Variants in AFAP1 observed in about 807,000 individuals in gnomAD.
The protein encoded by AFAP1 is actin filament-associated protein 1.
Under a neutral mutation model 93.9 loss-of-function variants are expected in AFAP1, and 75 were observed. The observed-to-expected ratio is 0.80, with a 90% confidence interval of 0.66 to 0.97. The LOEUF (loss-of-function observed/expected upper bound fraction) is 0.97. Ranked by LOEUF, AFAP1 falls within the 50% of genes least tolerant of loss-of-function variation. The pLI is 0.00. For missense variants in AFAP1, 1,201 were observed against 1,050.8 expected (o/e 1.14, Z -1.98); for synonymous variants, 517 against 430.7 (o/e 1.20, Z -2.48).
intron 3 of AFAP1, 82 bp downstream of exon 3, chr4:7,868,540 G>A: frequency 8.3e-7 from 1 of 1,209,554 alleles, no homozygotes; most frequent in Non-Finnish European, 1.2e-6. Context: ...TCCACACCGG[G>A]CTTCCATCAC....
At chr4:7,774,091 G>C (rs878867563) in intron 15 of AFAP1, 2 of 152,424 alleles carry the variant, frequency 1.3e-5, no homozygotes, top group African/African-American at 4.8e-5. Context: ...GTAGGTAAGC[G>C]GTGCCACCCC....
rs1357695652 is a variant in AFAP1, at chr4:7,826,623, C to T, written c.727-7452G>A. ...ACAAAAGAGATCTTCAGATTTTCAC[C>T]ACGGGTCTTGGGTCCTGGGCCATGC... On this transcript the variant is annotated intron_variant, in intron 6 of 17. Transcript: ENST00000420658. Among the ~76,000 whole-genome samples the T allele has an allele frequency of 2.0e-5, 3 of 152,226 alleles. No individual in the cohort carries two copies. In the South Asian group the frequency reaches 6.2e-4, roughly 31 times the overall value.
chr4:7,800,141 T>C (rs1002928537), intron 10 of AFAP1, among the ~76,000 whole-genome samples: 4 of 152,220 alleles, frequency 2.6e-5, no homozygotes, highest in Non-Finnish European at 4.4e-5. Flanking sequence ...GTGTATTTAA[T>C]TTCCCTGCAA....
intron 1 of AFAP1, among the ~76,000 whole-genome samples, chr4:7,878,139 C>T (rs1168959461): frequency 6.6e-6 from 1 of 152,176 alleles, no homozygotes; most frequent in Non-Finnish European, 1.5e-5. Context: ...CATGTCTTTC[C>T]CCTTAAGATC....
intron 6 of AFAP1, among the ~76,000 whole-genome samples, chr4:7,822,942 C>A (rs951132000): frequency 1.3e-5 from 2 of 151,794 alleles, no homozygotes; most frequent in African/African-American, 2.4e-5. Flanking sequence ...CAGCACTACT[C>A]CAATTATTCC....
chr4:7,939,678 C>T lies in AFAP1; in HGVS notation c.-25G>A. On this transcript the variant is annotated 5_prime_UTR_variant, in exon 1 of 18. Coordinates refer to ENST00000420658, the MANE Select transcript of AFAP1 (RefSeq NM_001134647.2). This position sits in a 1 kb window ranked among gnomAD's most constrained non-coding sequence, Gnocchi z 5.6. ...CACCTCAGGCCGCCACCTCGCAGCG[C>T]TCGCTCCTCGCCGCGGCGCCTGGGC... 1 of 417,196 alleles carries T rather than the reference C, an allele frequency of 2.4e-6. No individual in the cohort carries two copies. Among genetic ancestry groups the T allele is most frequent in the Non-Finnish European group, 4.7e-6 (1 of 210,676 alleles). The allele number at this position is 417,196 out of a possible 1,614,324, so 25.8% of individuals were successfully genotyped here.
intron 4 of AFAP1, among the ~76,000 whole-genome samples, chr4:7,854,780 C>G (rs1476849170): frequency 6.6e-6 from 1 of 152,126 alleles, no homozygotes; most frequent in Non-Finnish European, 1.5e-5. Context: ...ATTCAACTTT[C>G]TTATGAGATG....
At chr4:7,909,548 A>G (rs1262287809) in intron 1 of AFAP1, among the ~76,000 whole-genome samples, 2 of 152,210 alleles carry the variant, frequency 1.3e-5, no homozygotes, top group South Asian at 2.1e-4. Flanking sequence ...AGAGTGAATA[A>G]CCGGCAAATA....
At position 7,760,183 on chromosome 4, in the gene AFAP1, T is replaced by C. The variant is rs1344522126; in HGVS notation, c.*3582A>G. ...CCTTCCTGGGGGTGGCCTCCAGAGC[T>C]GAGGCCACACTTTTTGAAACAGACT... On this transcript the variant is annotated 3_prime_UTR_variant, in exon 18 of 18. Transcript: ENST00000420658. 1 of 152,228 alleles carries C rather than the reference T, an allele frequency of 6.6e-6. No individual in the cohort carries two copies. The highest frequency in any genetic ancestry group is 1.5e-5 in the Non-Finnish European group (1 of 68,036). 9.4% of individuals were successfully genotyped at this position (152,228 alleles called of 1,614,324 possible).
At chr4:7,779,631 C>T (rs140452922) in intron 13 of AFAP1, among the ~76,000 whole-genome samples, 1 of 152,322 alleles carries the variant, frequency 6.6e-6, no homozygotes, top group African/African-American at 2.4e-5. Flanking sequence ...GCAGGCCTCA[C>T]TTTTTGGGAG....
At chr4:7,839,987 G>C (rs770361990) in intron 5 of AFAP1, among the ~76,000 whole-genome samples, 1 of 152,146 alleles carries the variant, frequency 6.6e-6, no homozygotes, top group African/African-American at 2.4e-5. Flanking sequence ...ACCAAGTGCT[G>C]AATGTCGACA....
chr4:7,847,162 A>C (rs921924314), intron 4 of AFAP1, among the ~76,000 whole-genome samples: 1 of 152,188 alleles, frequency 6.6e-6, no homozygotes, highest in African/African-American at 2.4e-5. Context: ...CAATGACCCA[A>C]ACAAGAGAAC....
chr4:7,840,099 C>T (rs1712805727), intron 5 of AFAP1, among the ~76,000 whole-genome samples: 1 of 152,106 alleles, frequency 6.6e-6, no homozygotes, highest in African/African-American at 2.4e-5. Flanking sequence ...AAGAGTCAGG[C>T]AACCTGAAAA....
At chr4:7,849,582 A>T (rs1243114589) in intron 4 of AFAP1, among the ~76,000 whole-genome samples, 2 of 152,152 alleles carry the variant, frequency 1.3e-5, no homozygotes, top group Non-Finnish European at 2.9e-5. Context: ...CACAATGATG[A>T]AGTATGGCTA....
At chr4:7,784,495 T>C (rs1717080769) in intron 12 of AFAP1, among the ~76,000 whole-genome samples, 1 of 152,076 alleles carries the variant, frequency 6.6e-6, no homozygotes, top group Non-Finnish European at 1.5e-5. Context: ...GTCTGGCCAC[T>C]GGGAGACACC....
chr4:7,930,699 A>T (rs1450485571), intron 1 of AFAP1, among the ~76,000 whole-genome samples: 1 of 152,240 alleles, frequency 6.6e-6, no homozygotes, highest in African/African-American at 2.4e-5. Flanking sequence ...GCTCTGGGCC[A>T]AAAACCAGGA....
chr4:7,804,920 G>A (rs974519540), intron 9 of AFAP1, among the ~76,000 whole-genome samples: 1 of 152,206 alleles, frequency 6.6e-6, no homozygotes, highest in Non-Finnish European at 1.5e-5. Flanking sequence ...GCTGGCAGCT[G>A]ATCACAGGCC....
intron 11 of AFAP1, chr4:7,788,818 C>T (rs1319657442): frequency 6.6e-6 from 1 of 152,278 alleles, no homozygotes; most frequent in Admixed American, 6.5e-5. Context: ...CTGGGCCGTA[C>T]TGCCTTGGGT....
intron 1 of AFAP1, among the ~76,000 whole-genome samples, chr4:7,919,551 C>T (rs1269168665): frequency 6.6e-6 from 1 of 152,100 alleles, no homozygotes; most frequent in Non-Finnish European, 1.5e-5. Flanking sequence ...GCCCTAAGAA[C>T]AATAAACAAG....
Sources: allele counts gnomAD v4.1 joint callset (sites outside exome capture counted in the v4.1 genomes callset), GRCh38; gene constraint gnomAD v4.1.1; non-coding constraint Gnocchi (gnomAD v3.1); transcripts MANE v1.5; gene names NCBI Gene and HGNC (gene_info 2026-07-23, HGNC 2026-07-21).